FNDC3B: variants seen among roughly 807,000 people sequenced by gnomAD.
FNDC3B encodes fibronectin type III domain containing 3B.
In FNDC3B, 12 loss-of-function variants were observed where a neutral mutation model predicts 151.5. That is an observed-to-expected ratio of 0.08 (90% CI 0.05 to 0.13). FNDC3B has a LOEUF of 0.13. FNDC3B is among the 10% of genes least tolerant of loss of function. The pLI, the probability that FNDC3B is intolerant of heterozygous loss-of-function variation, is 1.00. For synonymous variants in FNDC3B, 528 were observed against 549.0 expected (o/e 0.96, Z 0.54); for missense variants, 1,214 against 1,505.3 (o/e 0.81, Z 3.20).
chr3:172,183,881 A>G (rs1331603674), intron 3 of FNDC3B, among the ~76,000 whole-genome samples: 3 of 152,024 alleles, frequency 2.0e-5, no homozygotes, highest in Admixed American at 2.0e-4. Context: ...TGTTCCTCCT[A>G]TCCTTAAGTT....
intron 2 of FNDC3B, among the ~76,000 whole-genome samples, chr3:172,119,169 T>TAAG (rs1553763171): frequency 3.9e-5 from 4 of 102,198 alleles, no homozygotes; most frequent in African/African-American, 1.6e-4. Flanking sequence ...GACTCTGCCT[T>TAAG]AAAAAAAAAA....
At chr3:172,307,195 A>T in intron 9 of FNDC3B, 168 bp from the exon 10 acceptor site, 1 of 645,490 alleles carries the variant, frequency 1.5e-6, no homozygotes, top group Non-Finnish European at 2.7e-6. Flanking sequence ...GTCCCCTGTT[A>T]ATGCTAACCA....
intron 1 of FNDC3B, among the ~76,000 whole-genome samples, chr3:172,076,129 G>T (rs1717997515): frequency 6.6e-6 from 1 of 152,098 alleles, no homozygotes; most frequent in African/African-American, 2.4e-5. Context: ...CTTACGGTTT[G>T]TATCCCTCTT....
chr3:172,330,322 CTGT>C (rs1732578686), intron 12 of FNDC3B: 2 of 461,912 alleles, frequency 4.3e-6, no homozygotes, highest in South Asian at 7.5e-5. Context: ...GTATATTGTC[CTGT>C]GACTTGGTGT....
intron 25 of FNDC3B, among the ~76,000 whole-genome samples, chr3:172,385,981 G>A (rs989586573): frequency 6.6e-6 from 1 of 152,174 alleles, no homozygotes; most frequent in African/African-American, 2.4e-5. Flanking sequence ...TGTTTTTCAG[G>A]TGTCACAATG....
intron 8 of FNDC3B, 37 bp downstream of exon 8, chr3:172,295,551 A>G: frequency 6.3e-7 from 1 of 1,587,904 alleles, no homozygotes; most frequent in Non-Finnish European, 8.6e-7. Context: ...TTGCTGCTAA[A>G]CTGTAAAATT....
At chr3:172,095,073 C>T (rs942438837) in intron 1 of FNDC3B, among the ~76,000 whole-genome samples, 3 of 152,010 alleles carry the variant, frequency 2.0e-5, no homozygotes, top group Admixed American at 6.6e-5. Context: ...TTAAAATACT[C>T]GGCAATTTTT....
At chr3:172,205,840 GTTA>G (rs1434889895) in intron 3 of FNDC3B, among the ~76,000 whole-genome samples, 2 of 152,054 alleles carry the variant, frequency 1.3e-5, no homozygotes, top group East Asian at 1.9e-4. Context: ...TTAATTCCTG[GTTA>G]TTATTATTAT....
chr3:172,100,676 A>G (rs1719337563), intron 1 of FNDC3B, among the ~76,000 whole-genome samples: 1 of 152,098 alleles, frequency 6.6e-6, no homozygotes, highest in South Asian at 2.1e-4. Flanking sequence ...TTCATGTGAA[A>G]TTTCTGTTTC....
intron 3 of FNDC3B, among the ~76,000 whole-genome samples, chr3:172,182,367 G>T (rs1245153777): frequency 2.0e-5 from 3 of 152,188 alleles, no homozygotes; most frequent in African/African-American, 7.2e-5. Context: ...GTCGTAAGTG[G>T]CCAGCCTTGT....
At chr3:172,123,107 C>T (rs1720633244) in intron 2 of FNDC3B, among the ~76,000 whole-genome samples, 1 of 152,180 alleles carries the variant, frequency 6.6e-6, no homozygotes, top group Non-Finnish European at 1.5e-5. Flanking sequence ...GATACAGTCC[C>T]AGCTCACTGC....
chr3:172,380,625 T>C (rs1183856563), intron 24 of FNDC3B, among the ~76,000 whole-genome samples: 2 of 152,244 alleles, frequency 1.3e-5, no homozygotes, highest in Non-Finnish European at 1.5e-5. Context: ...GGGTTTACCT[T>C]GCCTGTTTTT....
intron 1 of FNDC3B, among the ~76,000 whole-genome samples, chr3:172,069,312 A>G (rs1717654440): frequency 1.3e-5 from 2 of 152,166 alleles, no homozygotes; most frequent in South Asian, 4.1e-4. Context: ...TAATAAAATC[A>G]AATCGGATGT....
chr3:172,330,694 G>C lies in FNDC3B; in HGVS notation c.1533G>C (p.Leu511Phe), dbSNP rs1732604934. Residue 511 changes from leucine (L) to phenylalanine (F), a missense_variant, in exon 13 of 26, where the codon TTG becomes TTC. Around this residue, in one of 7 missense-constraint regions of FNDC3B, gnomAD observed 111 missense variants for 96.8 expected, o/e 1.15. Transcript: ENST00000415807. The stretch of plus-strand genomic sequence containing the variant: ...CCGAGGAAGTGATCACCTACACCTT[G>C]GAAATTCAGGAGGATGAAAATGTGA... ...CSPEEVITYT[L>F]EIQEDENDNL... 1 of 1,612,856 alleles carries C rather than the reference G, an allele frequency of 6.2e-7. No homozygotes were observed. Among genetic ancestry groups the C allele is most frequent in the Admixed American group, 1.7e-5 (1 of 59,824 alleles).
At chr3:172,053,776 CAAAAA>C (rs562005467) in intron 1 of FNDC3B, among the ~76,000 whole-genome samples, 2 of 113,342 alleles carry the variant, frequency 1.8e-5, no homozygotes, top group African/African-American at 3.5e-5. Flanking sequence ...AACTCCGTCT[CAAAAA>C]AAAAAAAAAA....
At chr3:172,185,725 G>C (rs1354407403) in intron 3 of FNDC3B, among the ~76,000 whole-genome samples, 1 of 152,194 alleles carries the variant, frequency 6.6e-6, no homozygotes, top group African/African-American at 2.4e-5. Context: ...ACAGGCCAAT[G>C]GAATCTGTGA....
At chr3:172,309,374 C>T (rs1490732381) in intron 10 of FNDC3B, among the ~76,000 whole-genome samples, 1 of 152,054 alleles carries the variant, frequency 6.6e-6, no homozygotes. Context: ...GTCAGTGTAC[C>T]CACCCTCAAG....
At chr3:172,174,508 A>T (rs1723449376) in intron 3 of FNDC3B, among the ~76,000 whole-genome samples, 1 of 152,232 alleles carries the variant, frequency 6.6e-6, no homozygotes, top group Non-Finnish European at 1.5e-5. Context: ...AACAGAAAGG[A>T]ACATATAAAC....
At chr3:172,343,513 T>C (rs593739) in intron 18 of FNDC3B, among the ~76,000 whole-genome samples, 117,019 of 152,172 alleles carry the variant, frequency 0.77, 45,162 homozygotes, top group East Asian at 0.85. Flanking sequence ...TGGAATTCTT[T>C]CTCGTCTTTG....
Sources: allele counts gnomAD v4.1 joint callset (sites outside exome capture counted in the v4.1 genomes callset), GRCh38; gene constraint gnomAD v4.1.1; regional missense constraint gnomAD v4.1.1; transcripts MANE v1.5; gene names NCBI Gene and HGNC (gene_info 2026-07-23, HGNC 2026-07-21).